KIF26B: variants seen among roughly 807,000 people sequenced by gnomAD.
The protein encoded by KIF26B is kinesin-like protein KIF26B.
A neutral mutation model predicts 151.2 loss-of-function variants in KIF26B; 63 were observed. That is an observed-to-expected ratio of 0.42 (90% CI 0.34 to 0.51). The LOEUF (loss-of-function observed/expected upper bound fraction) is 0.51. KIF26B is among the 20% of genes least tolerant of loss of function. KIF26B has a pLI of 0.07. For missense variants in KIF26B, 2,813 were observed against 2,913.6 expected, an observed-to-expected ratio of 0.97 and a Z score of 0.79; for synonymous variants, 1,357 against 1,262.1, an observed-to-expected ratio of 1.08 and a Z score of -1.59.
intron 2 of KIF26B, among the ~76,000 whole-genome samples, chr1:245,217,388 G>A (rs1457114571): frequency 4.2e-5 from 6 of 144,186 alleles, no homozygotes; most frequent in South Asian, 4.4e-4. Flanking sequence ...TTTTTGAGAC[G>A]GAGTCTCGCT....
rs773441087 is a variant in KIF26B at position 245,685,434 on chromosome 1, C to T, written c.2451C>T (p.Ser817=). ...KYTSSSSGGE[S]SCEEGRMRRP... The stretch of plus-strand genomic sequence containing the variant: ...CATCCAGCTCGTCCGGCGGGGAGAG[C>T]TCCTGCGAAGAAGGCCGCATGCGCA... The change falls in exon 12 of 15, where the codon AGC becomes AGT. Residue 817 remains serine (S), a synonymous_variant. Transcript: ENST00000407071. 3.1e-6 allele frequency: 5 copies of T among 1,612,910 alleles called. No homozygotes were observed. In the Admixed American group the frequency reaches 8.3e-5, roughly 27 times the overall value.
At chr1:245,157,016 C>G (rs569670772) in intron 2 of KIF26B, among the ~76,000 whole-genome samples, 28 of 152,198 alleles carry the variant, frequency 1.8e-4, no homozygotes, top group Non-Finnish European at 3.8e-4. Flanking sequence ...GCTGCGCTTT[C>G]GATGTTTCTC....
At chr1:245,618,090 AG>A (rs1300468547) in intron 9 of KIF26B, among the ~76,000 whole-genome samples, 1 of 152,162 alleles carries the variant, frequency 6.6e-6, no homozygotes, top group Non-Finnish European at 1.5e-5. Context: ...GGGAGGGAAA[AG>A]GAAAGGAAAG....
chr1:245,388,949 C>A (rs1297495544), intron 3 of KIF26B, among the ~76,000 whole-genome samples: 1 of 152,164 alleles, frequency 6.6e-6, no homozygotes, highest in Non-Finnish European at 1.5e-5. Context: ...AGCAGCGTCC[C>A]TGATGTTGGA....
intron 2 of KIF26B, among the ~76,000 whole-genome samples, chr1:245,259,659 G>A (rs1179360310): frequency 6.6e-6 from 1 of 152,026 alleles, no homozygotes; most frequent in African/African-American, 2.4e-5. Flanking sequence ...TGGCCAGGCA[G>A]GCTGGCTCAT....
At chr1:245,652,438 TTTC>T (rs2044029962) in intron 10 of KIF26B, among the ~76,000 whole-genome samples, 1 of 152,174 alleles carries the variant, frequency 6.6e-6, no homozygotes, top group African/African-American at 2.4e-5. Context: ...CGAAGTCCCT[TTTC>T]TATGAGATTT....
intron 9 of KIF26B, among the ~76,000 whole-genome samples, chr1:245,621,014 G>T (rs899206694): frequency 5.3e-5 from 8 of 152,140 alleles, no homozygotes; most frequent in Admixed American, 2.6e-4. Context: ...ACCTGGCCAG[G>T]TGGTAAGGCA....
rs528303982 is a variant in KIF26B at position 245,358,185 on chromosome 1, G to A, written c.466-8649G>A. ...TTCCCAAAGTGTGGGGATTACAGGC[G>A]TGAGCCACCATACCCTGCCAAAATT... On this transcript the variant is annotated intron_variant, in intron 2 of 14. Coordinates refer to ENST00000407071, the MANE Select transcript of KIF26B (RefSeq NM_018012.4). The surrounding 1 kb of genome is among the most constrained non-coding windows in gnomAD (Gnocchi z 4.1). 2.0e-5 allele frequency among the ~76,000 whole-genome samples: 3 copies of A among 152,196 alleles called. No homozygotes were observed. The highest frequency in any genetic ancestry group is 1.3e-4 in the Admixed American group (2 of 15,282).
chr1:245,339,339 C>T (rs374953520), intron 2 of KIF26B, among the ~76,000 whole-genome samples: 6 of 152,288 alleles, frequency 3.9e-5, no homozygotes, highest in African/African-American at 7.2e-5. Context: ...TCTGCTAAGG[C>T]GGCCATGTTG....
In KIF26B at chr1:245,602,444, G is replaced by A; in HGVS notation, c.1351-133G>A. The A allele has an allele frequency of 3.0e-6, 2 of 677,028 alleles. No individual in the cohort carries two copies. The highest frequency in any genetic ancestry group is 5.1e-6 in the Non-Finnish European group (2 of 388,846). The allele number at this position is 677,028 out of a possible 1,614,324, so 41.9% of individuals were successfully genotyped here. ...AAGGATGATGTTGCTAATTCACTGT[G>A]CATTTCATCATAATTTATCCTGAGA... On this transcript the variant is annotated intron_variant, in intron 5 of 14. Transcript: ENST00000407071. The surrounding 1 kb of genome is among the most constrained non-coding windows in gnomAD (Gnocchi z 4.5).
At chr1:245,600,228 C>G (rs55677918) in intron 5 of KIF26B, among the ~76,000 whole-genome samples, 1 of 119,220 alleles carries the variant, frequency 8.4e-6, no homozygotes, top group Non-Finnish European at 1.8e-5. Flanking sequence ...TTAGTAGAGA[C>G]GGGGTTTCAC....
chr1:245,486,126 G>A (rs1016040182), intron 4 of KIF26B, among the ~76,000 whole-genome samples: 4 of 152,184 alleles, frequency 2.6e-5, no homozygotes, highest in Admixed American at 2.0e-4. Flanking sequence ...GTTAATGTGG[G>A]CAAAGCAAAG....
At chr1:245,413,411 C>T (rs1344995970) in intron 3 of KIF26B, among the ~76,000 whole-genome samples, 2 of 152,158 alleles carry the variant, frequency 1.3e-5, no homozygotes, top group African/African-American at 4.8e-5. Context: ...GCCTGTAATC[C>T]TAGCACTTTG....
chr1:245,449,477 G>T (rs1395478845), intron 4 of KIF26B, among the ~76,000 whole-genome samples: 3 of 152,090 alleles, frequency 2.0e-5, no homozygotes, highest in Admixed American at 1.3e-4. Context: ...ATCAGGAGGG[G>T]CTGTATTTTC....
rs918882996 is a variant in KIF26B at position 245,686,271 on chromosome 1, G to A, written c.3288G>A (p.Gly1096=). Residue 1096 remains glycine (G), a synonymous_variant, in exon 12 of 15, where the codon GGG becomes GGA. Coordinates refer to ENST00000407071, the MANE Select transcript of KIF26B (RefSeq NM_018012.4). This position sits in a 1 kb window ranked among gnomAD's most constrained non-coding sequence, Gnocchi z 5.6. ...SQRCKVYTQK[G]VLPSPAPLPP... ...GATGCAAAGTCTACACCCAGAAGGG[G>A]GTCCTGCCGTCTCCCGCCCCACTGC... The A allele has an allele frequency of 1.2e-6, 2 of 1,612,916 alleles. No homozygotes were observed. Among genetic ancestry groups the A allele is most frequent in the Non-Finnish European group, 1.7e-6 (2 of 1,179,882 alleles).
rs114520663 is a variant in KIF26B at position 245,602,379 on chromosome 1, C to T, written c.1351-198C>T. Among the ~76,000 whole-genome samples, 989 of 152,322 alleles carry T rather than the reference C, an allele frequency of 6.5e-3. 6 individuals are homozygous for T. The highest frequency in any genetic ancestry group is 0.022 in the African/African-American group (929 of 41,572). ...GTAATGGGCATATCAAAATATTCTACCTGGTAATTATAAATAAATCAGTTT... is the reference window on the plus strand; with the variant it reads ...GTAATGGGCATATCAAAATATTCTATCTGGTAATTATAAATAAATCAGTTT... On this transcript the variant is annotated intron_variant, in intron 5 of 14. Coordinates refer to ENST00000407071, the MANE Select transcript of KIF26B (RefSeq NM_018012.4). This position sits in a 1 kb window ranked among gnomAD's most constrained non-coding sequence, Gnocchi z 4.5.
At chr1:245,252,060 T>G (rs1670454583) in intron 2 of KIF26B, among the ~76,000 whole-genome samples, 1 of 152,028 alleles carries the variant, frequency 6.6e-6, no homozygotes, top group African/African-American at 2.4e-5. Context: ...CCCAGGAGTT[T>G]GAGACCAGTC....
At chr1:245,216,478 A>G (rs544945891) in intron 2 of KIF26B, among the ~76,000 whole-genome samples, 1 of 151,430 alleles carries the variant, frequency 6.6e-6, no homozygotes, top group African/African-American at 2.4e-5. Context: ...GCACCAAACT[A>G]TTAAAAATAA....
At chr1:245,485,966 G>T (rs1660272430) in intron 4 of KIF26B, among the ~76,000 whole-genome samples, 1 of 152,178 alleles carries the variant, frequency 6.6e-6, no homozygotes. Flanking sequence ...TTTCGTGGTG[G>T]CAACCCCGTC....
Sources: allele counts gnomAD v4.1 joint callset (sites outside exome capture counted in the v4.1 genomes callset), GRCh38; gene constraint gnomAD v4.1.1; non-coding constraint Gnocchi (gnomAD v3.1); transcripts MANE v1.5; gene names NCBI Gene and HGNC (gene_info 2026-07-23, HGNC 2026-07-21).